HDAC9: variants seen among roughly 807,000 people sequenced by gnomAD.
HDAC9 encodes the protein MEF-2 interacting transcription repressor (MITR) protein.
HDAC9 carries 41 observed loss-of-function variants against 139.4 expected under a neutral mutation model. The observed-to-expected ratio is 0.29, with a 90% CI of 0.23 to 0.38. The LOEUF (loss-of-function observed/expected upper bound fraction) is 0.38, where lower values mean the gene tolerates loss of function less well. Among genes scored for constraint, HDAC9 ranks in the 10% least tolerant of loss-of-function variants. HDAC9 has a pLI of 1.00. For synonymous variants in HDAC9, 517 were observed against 476.2 expected, an observed-to-expected ratio of 1.09 and a Z score of -1.12; for missense variants, 1,147 against 1,297.0, an observed-to-expected ratio of 0.88 and a Z score of 1.78.
intron 1 of HDAC9, among the ~76,000 whole-genome samples, chr7:18,147,226 T>C (rs2128115766): frequency 6.6e-6 from 1 of 152,298 alleles, no homozygotes; most frequent in East Asian, 1.9e-4. Flanking sequence ...TGTGCCTCTT[T>C]GGAGACATGC....
chr7:18,496,392 A>T, intron 2 of HDAC9, 68 bp downstream of exon 2: 1 of 1,359,816 alleles, frequency 7.4e-7, no homozygotes. Flanking sequence ...AATGCAGCTA[A>T]GAAAAGCACC....
In HDAC9 at chr7:18,696,372, A is replaced by G. The variant is rs1006581438; in HGVS notation, c.1731+29896A>G. Among the ~76,000 whole-genome samples, 9 of 148,360 alleles carry G rather than the reference A, an allele frequency of 6.1e-5. No homozygotes were observed. The East Asian group carries it at 1.4e-3, about 22-fold the overall frequency. ...ATATAGTTATATATGTTATAATTATATAGTATAATAACATATTATACTATA... is the reference window on the plus strand; with the variant it reads ...ATATAGTTATATATGTTATAATTATGTAGTATAATAACATATTATACTATA... On this transcript the variant is annotated intron_variant, in intron 12 of 25. Transcript: ENST00000686413.
intron 8 of HDAC9, among the ~76,000 whole-genome samples, chr7:18,635,499 G>A (rs1001270152): frequency 6.6e-6 from 1 of 152,036 alleles, no homozygotes; most frequent in Non-Finnish European, 1.5e-5. Context: ...GAAAGTTAAT[G>A]TAAAAGTCAG....
chr7:18,676,837 T>A (rs1035254856), intron 12 of HDAC9, among the ~76,000 whole-genome samples: 17 of 152,024 alleles, frequency 1.1e-4, no homozygotes, highest in Admixed American at 9.8e-4. Flanking sequence ...ATTTTCTTCC[T>A]TAAAAGGGAC....
rs1787711570 is a variant in HDAC9, at chr7:18,162,612, A to T, written c.25+263A>T. 2.1e-5 allele frequency: 10 copies of T among 476,110 alleles called. No individual in the cohort carries two copies. The South Asian group carries it at 2.4e-4, about 11-fold the overall frequency. 29.5% of individuals were successfully genotyped at this position (476,110 alleles called of 1,614,324 possible). On this transcript the variant is annotated intron_variant, in intron 2 of 12. Coordinates refer to the HDAC9 transcript ENST00000417496. The stretch of plus-strand genomic sequence containing the variant: ...CTTCTGCTTCCAAGGTAACATTCAG[A>T]TTGAACTTTATGAAGTTATGAATAT...
At chr7:18,293,416 C>A (rs1305215630) in intron 1 of HDAC9, among the ~76,000 whole-genome samples, 2 of 151,790 alleles carry the variant, frequency 1.3e-5, no homozygotes, top group East Asian at 1.9e-4. Context: ...GGACAAAAAA[C>A]CAAACACCGC....
At chr7:18,173,584 C>A (rs1584459928) in intron 2 of HDAC9, among the ~76,000 whole-genome samples, 1 of 152,306 alleles carries the variant, frequency 6.6e-6, no homozygotes, top group African/African-American at 2.4e-5. Context: ...TTTGCAGTGG[C>A]TGGTACCGGT....
chr7:18,856,730 CTTAT>C (rs1797710437), intron 21 of HDAC9, among the ~76,000 whole-genome samples: 2 of 152,216 alleles, frequency 1.3e-5, no homozygotes, highest in Middle Eastern at 3.4e-3. Context: ...AATAGCACAA[CTTAT>C]TTAATCAATT....
At chr7:18,450,771 A>G (rs571819737) in intron 1 of HDAC9, among the ~76,000 whole-genome samples, 1 of 152,328 alleles carries the variant, frequency 6.6e-6, no homozygotes, top group Admixed American at 6.5e-5. Flanking sequence ...TTTTAGGAAG[A>G]GGTGAAGCTT....
At chr7:18,225,139 T>C (rs1792969769) in intron 2 of HDAC9, among the ~76,000 whole-genome samples, 1 of 152,218 alleles carries the variant, frequency 6.6e-6, no homozygotes, top group African/African-American at 2.4e-5. Context: ...GATTTCTTCA[T>C]AGAACATTAG....
At chr7:18,218,720 T>C (rs983576298) in intron 2 of HDAC9, among the ~76,000 whole-genome samples, 5 of 152,212 alleles carry the variant, frequency 3.3e-5, no homozygotes, top group South Asian at 2.1e-4. Context: ...ATTTCTTATA[T>C]TATGAAATAG....
chr7:18,399,194 G>T (rs1040492680), intron 1 of HDAC9, among the ~76,000 whole-genome samples: 4 of 152,126 alleles, frequency 2.6e-5, no homozygotes, highest in Non-Finnish European at 4.4e-5. Flanking sequence ...GCTGAAAAAT[G>T]ACTCTGCAGG....
At chr7:18,793,073 A>G (rs1400533417) in intron 16 of HDAC9, 3 of 415,186 alleles carry the variant, frequency 7.2e-6, no homozygotes, top group African/African-American at 4.0e-5. Flanking sequence ...AGGGAATGGC[A>G]GTGAGGCATG....
chr7:18,869,769 A>C lies in HDAC9; in HGVS notation c.2685-4709A>C, dbSNP rs568484101. On this transcript the variant is annotated intron_variant, in intron 21 of 25. Coordinates refer to ENST00000686413, the MANE Select transcript of HDAC9 (RefSeq NM_178425.4). ...GTGGTGGTGTGAGAGCAGAGAAAAA[A>C]ACACCGGTTTAGAGAGTTTTCCTGA... Among the ~76,000 whole-genome samples the C allele has an allele frequency of 3.9e-5, 6 of 152,240 alleles. 1 individual carries two copies. The highest frequency in any genetic ancestry group is 1.4e-4 in the African/African-American group (6 of 41,566).
At chr7:18,644,574 T>C in intron 8 of HDAC9, 97 bp from the exon 9 acceptor site, 2 of 930,922 alleles carry the variant, frequency 2.1e-6, no homozygotes, top group Non-Finnish European at 1.5e-6. Context: ...TAAAATCTTT[T>C]CTTAATTATG....
intron 25 of HDAC9, among the ~76,000 whole-genome samples, chr7:18,992,819 C>A (rs942483869): frequency 1.1e-4 from 16 of 152,020 alleles, no homozygotes; most frequent in African/African-American, 3.6e-4. Flanking sequence ...TTCACTGTGA[C>A]ATTGACTTGC....
At chr7:18,924,087 G>A (rs775533125) in intron 22 of HDAC9, among the ~76,000 whole-genome samples, 7 of 150,550 alleles carry the variant, frequency 4.6e-5, no homozygotes, top group East Asian at 2.0e-4. Context: ...TTTGTACTGC[G>A]GATTTTCTGC....
intron 24 of HDAC9, among the ~76,000 whole-genome samples, chr7:18,967,370 A>G (rs866458951): frequency 1.3e-5 from 2 of 152,148 alleles, no homozygotes; most frequent in African/African-American, 4.8e-5. Context: ...CTCCATTAGT[A>G]TCATTTCTTG....
Position 18,260,614 on chromosome 7 carries a change from C to T in HDAC9, c.25+98265C>T, listed in dbSNP as rs150737249. The stretch of plus-strand genomic sequence containing the variant: ...GATTGCAGGCATGAGCCACCGCGCC[C>T]GGCCAACAGACACTATTTAAAACAT... On this transcript the variant is annotated intron_variant, in intron 2 of 12. Transcript: ENST00000417496. 1,060 of 154,422 alleles carry T rather than the reference C, an allele frequency of 6.9e-3. 10 individuals are homozygous for T. The highest frequency in any genetic ancestry group is 0.024 in the African/African-American group (990 of 41,600). The allele number at this position is 154,422 out of a possible 1,614,324, so 9.6% of individuals were successfully genotyped here. A position where few individuals can be genotyped will look rare whatever the true frequency, so the allele number is the denominator to read the frequency against.
Sources: gnomAD v4.1 joint callset for allele counts (sites outside exome capture counted in the v4.1 genomes callset) on GRCh38, gnomAD v4.1.1 for gene constraint, MANE v1.5 for transcripts, NCBI Gene and HGNC (gene_info 2026-07-23, HGNC 2026-07-21) for gene names.